SH3PXD2A: variants seen among roughly 807,000 people sequenced by gnomAD.
SH3PXD2A encodes SH3 and PX domains 2A, also known as SH3 and PX domain-containing protein 2A.
In SH3PXD2A, 32 loss-of-function variants were observed where a neutral mutation model predicts 115.2. The ratio of observed to expected loss-of-function variants is 0.28; its 90% CI spans 0.21 to 0.37. The LOEUF (loss-of-function observed/expected upper bound fraction) is 0.37, where lower values mean the gene tolerates loss of function less well. Among genes scored for constraint, SH3PXD2A ranks in the 10% least tolerant of loss-of-function variants. SH3PXD2A has a pLI of 1.00. For synonymous variants in SH3PXD2A, 610 were observed against 629.1 expected (o/e 0.97, Z 0.45); for missense variants, 1,328 against 1,498.7 (o/e 0.89, Z 1.88).
chr10:103,844,949 C>T (rs909849678), intron 1 of SH3PXD2A, among the ~76,000 whole-genome samples: 2 of 152,144 alleles, frequency 1.3e-5, no homozygotes, highest in African/African-American at 4.8e-5. Context: ...GCTGCATTCC[C>T]AGATGTTTAG....
At chr10:103,604,510 T>C (rs1422805701) in intron 14 of SH3PXD2A, among the ~76,000 whole-genome samples, 1 of 152,140 alleles carries the variant, frequency 6.6e-6, no homozygotes, top group Non-Finnish European at 1.5e-5. Context: ...CTGCTGGTTG[T>C]GCTGGGGTCC....
At chr10:103,606,236 G>T (rs1466214556) in intron 13 of SH3PXD2A, among the ~76,000 whole-genome samples, 2 of 150,486 alleles carry the variant, frequency 1.3e-5, no homozygotes, top group African/African-American at 4.9e-5. Context: ...CTGAGATAGG[G>T]TCTTGCTTTG....
Position 103,603,067 on chromosome 10 carries a change from G to A in SH3PXD2A, c.2151C>T (p.Asp717=). 1.2e-6 allele frequency: 2 copies of A among 1,613,646 alleles called. No individual in the cohort carries two copies. The highest frequency in any genetic ancestry group is 1.7e-6 in the Non-Finnish European group (2 of 1,180,050). Reference sequence around the variant, plus strand: ...CGTCCGAAGCAGAGCGGGGCTTCAGGTCGCCACTGGTTTTGGACAAGGAAG... The same window carrying A: ...CGTCCGAAGCAGAGCGGGGCTTCAGATCGCCACTGGTTTTGGACAAGGAAG... ...SSSSLSKTSG[D]LKPRSASDAG... Residue 717 remains aspartate, a synonymous_variant, in exon 15 of 15, where the codon GAC becomes GAT. Transcript: ENST00000369774.
At chr10:103,720,714 C>T (rs896443988) in intron 5 of SH3PXD2A, among the ~76,000 whole-genome samples, 5 of 152,240 alleles carry the variant, frequency 3.3e-5, no homozygotes, top group African/African-American at 1.2e-4. Flanking sequence ...AAGGGAGGTG[C>T]ACAGTCGCCT....
At chr10:103,831,872 T>C (rs1361789220) in intron 1 of SH3PXD2A, among the ~76,000 whole-genome samples, 1 of 152,224 alleles carries the variant, frequency 6.6e-6, no homozygotes, top group Non-Finnish European at 1.5e-5. Context: ...TCTATGCATT[T>C]AACTGTTCTG....
chr10:103,706,098 A>T (rs2037977531), intron 5 of SH3PXD2A, among the ~76,000 whole-genome samples: 1 of 152,202 alleles, frequency 6.6e-6, no homozygotes, highest in Admixed American at 6.5e-5. Context: ...GGCTGGCATG[A>T]GAATGTCCAA....
chr10:103,789,558 A>ACAC lies in SH3PXD2A; in HGVS notation c.153+11721_153+11723dup, dbSNP rs1564889466. Among the ~76,000 whole-genome samples, 967 of 134,286 alleles carry ACAC rather than the reference A, an allele frequency of 7.2e-3. 11 individuals are homozygous for ACAC. The highest frequency in any genetic ancestry group is 0.022 in the African/African-American group (786 of 35,666). The allele number at this position is 134,286 out of a possible 152,430, so 88.1% of individuals were successfully genotyped here. ...ACACACACACACACACACACACACA[A>ACAC]CACTCACCTGGCCACCACCAAAGAT... On this transcript the variant is annotated intron_variant, in intron 2 of 14. Transcript: ENST00000369774.
intron 8 of SH3PXD2A, among the ~76,000 whole-genome samples, chr10:103,637,919 G>A (rs1474026672): frequency 6.6e-6 from 1 of 152,176 alleles, no homozygotes; most frequent in East Asian, 1.9e-4. Flanking sequence ...TGCCTTTGTG[G>A]AACCAGAGAA....
At chr10:103,735,594 C>T (rs1211009898) in intron 4 of SH3PXD2A, 138 bp downstream of exon 4, 10 of 704,218 alleles carry the variant, frequency 1.4e-5, no homozygotes, top group South Asian at 3.4e-5. Context: ...ATACCCACCC[C>T]TCTGGCCAGG....
chr10:103,701,759 C>CCATCTATCCATCATT (rs1554913081), intron 5 of SH3PXD2A, among the ~76,000 whole-genome samples: 6 of 139,456 alleles, frequency 4.3e-5, no homozygotes, highest in Non-Finnish European at 9.2e-5. Flanking sequence ...CGTCCATCAT[C>CCATCTATCCATCATT]CATCCAGCCA....
intron 5 of SH3PXD2A, among the ~76,000 whole-genome samples, chr10:103,710,912 A>G (rs1164935058): frequency 6.6e-6 from 1 of 151,994 alleles, no homozygotes; most frequent in Non-Finnish European, 1.5e-5. Context: ...GGCATGTGCC[A>G]GTAGTCCTAG....
chr10:103,687,140 A>T (rs1286478149), intron 6 of SH3PXD2A, among the ~76,000 whole-genome samples: 9 of 152,206 alleles, frequency 5.9e-5, no homozygotes, highest in Admixed American at 5.9e-4. Context: ...CTGAGTCAGT[A>T]GCTGAAAGGC....
rs1032755983 is a variant in SH3PXD2A, at chr10:103,600,856, C to G, written c.*960G>C. 3.3e-5 allele frequency: 5 copies of G among 152,152 alleles called. No individual in the cohort carries two copies. Among genetic ancestry groups the G allele is most frequent in the African/African-American group, 1.2e-4 (5 of 41,422 alleles). 9.4% of individuals were successfully genotyped at this position (152,152 alleles called of 1,614,324 possible). ...CAAAAACAAAAGCAAAATCACCCGC[C>G]CACAAGATACAACAGAAACCCCATC... On this transcript the variant is annotated 3_prime_UTR_variant, in exon 15 of 15. Coordinates refer to ENST00000369774, the MANE Select transcript of SH3PXD2A (RefSeq NM_001394015.1).
intron 11 of SH3PXD2A, among the ~76,000 whole-genome samples, chr10:103,615,479 C>T (rs969923295): frequency 3.1e-4 from 23 of 75,238 alleles, no homozygotes; most frequent in African/African-American, 9.1e-4. Context: ...ATGGAGAGTG[C>T]GAGGGTGTGT....
intron 6 of SH3PXD2A, among the ~76,000 whole-genome samples, chr10:103,684,454 G>A (rs2037650129): frequency 2.0e-5 from 3 of 152,012 alleles, no homozygotes; most frequent in South Asian, 4.2e-4. Context: ...CGCCCCCTGG[G>A]TTCAAGTGAT....
intron 8 of SH3PXD2A, among the ~76,000 whole-genome samples, chr10:103,644,892 G>GT (rs2037013104): frequency 6.6e-6 from 1 of 152,220 alleles, no homozygotes; most frequent in East Asian, 1.9e-4. Flanking sequence ...TGGCTATTCA[G>GT]TGGCAGAGTA....
At chr10:103,649,224 T>TG (rs2134017878) in intron 8 of SH3PXD2A, among the ~76,000 whole-genome samples, 1 of 152,218 alleles carries the variant, frequency 6.6e-6, no homozygotes, top group South Asian at 2.1e-4. Context: ...GTCAGGGGAA[T>TG]GGGGAAGCTT....
chr10:103,722,228 T>C (rs1404737853), intron 5 of SH3PXD2A, among the ~76,000 whole-genome samples: 1 of 148,362 alleles, frequency 6.7e-6, no homozygotes, highest in Non-Finnish European at 1.5e-5. Context: ...TGCTTGAACC[T>C]GGGAGCCAAA....
At chr10:103,607,573 GA>G in intron 13 of SH3PXD2A, among the ~76,000 whole-genome samples, 1 of 152,164 alleles carries the variant, frequency 6.6e-6, no homozygotes, top group Non-Finnish European at 1.5e-5. Flanking sequence ...TCCGGGAGGT[GA>G]GGGGCGCCTC....
Sources: gnomAD v4.1 joint callset for allele counts (sites outside exome capture counted in the v4.1 genomes callset) on GRCh38, gnomAD v4.1.1 for gene constraint, MANE v1.5 for transcripts, NCBI Gene and HGNC (gene_info 2026-07-23, HGNC 2026-07-21) for gene names.